The following ZNF569 variants were observed in gnomAD, a reference collection of about 807,000 sequenced individuals.
ZNF569 encodes zinc finger protein 569.
ZNF569 carries 38 observed loss-of-function variants against 56.3 expected under a neutral mutation model. The ratio of observed to expected loss-of-function variants is 0.68; its 90% CI spans 0.52 to 0.88. The LOEUF (loss-of-function observed/expected upper bound fraction) is 0.88. Among genes scored for constraint, ZNF569 ranks in the 40% least tolerant of loss-of-function variants. The pLI, the probability that ZNF569 is intolerant of heterozygous loss-of-function variation, is 0.00. For missense variants in ZNF569, 666 were observed against 809.2 expected, an observed-to-expected ratio of 0.82 and a Z score of 2.15; for synonymous variants, 241 against 262.9, an observed-to-expected ratio of 0.92 and a Z score of 0.81.
chr19:37,414,703 G>A (rs944168719), intron 5 of ZNF569, among the ~76,000 whole-genome samples: 5 of 152,088 alleles, frequency 3.3e-5, no homozygotes, highest in Non-Finnish European at 7.4e-5. Flanking sequence ...AATAGGAAAT[G>A]CAGAATGTAC....
intron 3 of ZNF569, among the ~76,000 whole-genome samples, chr19:37,444,350 A>C (rs1190687019): frequency 6.6e-6 from 1 of 152,046 alleles, no homozygotes; most frequent in Non-Finnish European, 1.5e-5. Flanking sequence ...TGTGTAATCT[A>C]TCCATGTTGG....
chr19:37,414,027 C>A lies in ZNF569; in HGVS notation c.631G>T (p.Glu211Ter), dbSNP rs2040886480. Reference protein sequence around the residue: ...LIRHLRIHTGEKPYECSNCRK... With the variant: ...LIRHLRIHTG ...CAGTTACTACATTCATAGGGCTTCTCTCCAGTATGAATTCTCAGATGTCTG... is the reference window on the plus strand; with the variant it reads ...CAGTTACTACATTCATAGGGCTTCTATCCAGTATGAATTCTCAGATGTCTG... Residue 211 changes from glutamate (E) to a stop codon, truncating the protein, a stop_gained, in exon 6 of 6, where the codon GAG (glutamate) becomes TAG (stop). Coordinates refer to ENST00000316950, the MANE Select transcript of ZNF569 (RefSeq NM_152484.3). LOFTEE classifies it high-confidence loss of function. 6.2e-7 allele frequency: 1 copy of A among 1,613,434 alleles called. No homozygotes were observed. The highest frequency in any genetic ancestry group is 1.3e-5 in the African/African-American group (1 of 74,894).
intron 5 of ZNF569, among the ~76,000 whole-genome samples, chr19:37,425,186 C>T (rs1360428829): frequency 6.6e-6 from 1 of 151,780 alleles, no homozygotes; most frequent in East Asian, 1.9e-4. Flanking sequence ...GGGTCTCACT[C>T]CGTTGCCTAG....
Position 37,412,330 on chromosome 19 carries a change from C to CTGA in ZNF569, c.*264_*266dup. ...GGAGCTCAAGTGTTGTGTTGTTATGCTGATGGAAGATACCTTGTTTCAGAT... is the reference window on the plus strand; with the variant it reads ...GGAGCTCAAGTGTTGTGTTGTTATGCTGATGATGGAAGATACCTTGTTTCAGAT... On this transcript the variant is annotated 3_prime_UTR_variant, in exon 6 of 6. Transcript: ENST00000316950. 1 of 389,008 alleles carries CTGA rather than the reference C, an allele frequency of 2.6e-6. No individual in the cohort carries two copies. Among genetic ancestry groups the CTGA allele is most frequent in the South Asian group, 8.4e-5 (1 of 11,844 alleles). The allele number at this position is 389,008 out of a possible 1,614,324, so 24.1% of individuals were successfully genotyped here.
At chr19:37,426,210 CT>C in intron 4 of ZNF569, 41 bp downstream of exon 4, 2 of 1,565,132 alleles carry the variant, frequency 1.3e-6, no homozygotes, top group Non-Finnish European at 1.7e-6. Context: ...AAAAAAGGTA[CT>C]TTCTTTCCAG....
chr19:37,457,239 T>A (rs1435411135), intron 2 of ZNF569, among the ~76,000 whole-genome samples: 2 of 152,206 alleles, frequency 1.3e-5, no homozygotes, highest in African/African-American at 4.8e-5. Flanking sequence ...ATTATCTCTA[T>A]ACTTCCCTAG....
intron 2 of ZNF569, among the ~76,000 whole-genome samples, chr19:37,451,045 T>G (rs1201485808): frequency 6.6e-6 from 1 of 152,182 alleles, no homozygotes; most frequent in Non-Finnish European, 1.5e-5. Context: ...ATATGATGCA[T>G]TATGGAGAAA....
chr19:37,427,758 A>C (rs768486372), intron 3 of ZNF569: 2 of 510,512 alleles, frequency 3.9e-6, no homozygotes, highest in Admixed American at 2.0e-5. Flanking sequence ...GAGGAAAAAA[A>C]CCCTGAAATC....
chr19:37,469,193 T>A (rs1020117200), upstream of ZNF569: 3 of 1,248,548 alleles, frequency 2.4e-6, no homozygotes, highest in East Asian at 3.9e-5. Context: ...GAGGACCTGG[T>A]GGGGAGGAGG....
intron 3 of ZNF569, 56 bp downstream of exon 3, chr19:37,444,851 C>T: frequency 7.4e-7 from 1 of 1,345,574 alleles, no homozygotes; most frequent in Non-Finnish European, 1.1e-6. Context: ...TACTGCAATC[C>T]CCTTAAATTG....
Position 37,413,496 on chromosome 19 carries a change from C to T in ZNF569, c.1162G>A (p.Gly388Arg). The T allele has an allele frequency of 6.2e-7, 1 of 1,613,578 alleles. No individual in the cohort carries two copies. Among genetic ancestry groups the T allele is most frequent in the Non-Finnish European group, 8.5e-7 (1 of 1,179,822 alleles). The change falls in exon 6 of 6, where the codon GGA (glycine) becomes AGA (arginine). Residue 388 changes from glycine to arginine, a missense_variant. Coordinates refer to ENST00000316950, the MANE Select transcript of ZNF569 (RefSeq NM_152484.3). ...GCTGAGCTTTGAGAGAAGGCTTTTC[C>T]ACACTCATTACATTCATAGGGTTTT... is the stretch of plus-strand genomic sequence containing the variant. ...GEKPYECNEC[G>R]KAFSQSSALT... is the part of the protein sequence containing the mutation.
At chr19:37,431,029 T>C (rs2041217338) in intron 3 of ZNF569, among the ~76,000 whole-genome samples, 1 of 152,166 alleles carries the variant, frequency 6.6e-6, no homozygotes, top group African/African-American at 2.4e-5. Context: ...AATTGTCCAT[T>C]GTAGCAGTAG....
At chr19:37,456,976 A>G (rs918443746) in intron 2 of ZNF569, among the ~76,000 whole-genome samples, 2 of 142,988 alleles carry the variant, frequency 1.4e-5, no homozygotes, top group Non-Finnish European at 1.5e-5. Flanking sequence ...TCAAAAAAAA[A>G]AAAACAAAAA....
intron 5 of ZNF569, among the ~76,000 whole-genome samples, chr19:37,418,134 TAA>T (rs1185058539): frequency 5.1e-5 from 7 of 137,682 alleles, no homozygotes; most frequent in East Asian, 2.0e-4. Context: ...ATAATAATAA[TAA>T]AATAAAGTTC....
At chr19:37,415,568 T>C (rs554524092) in intron 5 of ZNF569, among the ~76,000 whole-genome samples, 16 of 151,972 alleles carry the variant, frequency 1.1e-4, no homozygotes, top group African/African-American at 3.6e-4. Flanking sequence ...GAGAAATAAA[T>C]CAGAGGTATG....
chr19:37,443,444 A>G (rs2041441639), intron 3 of ZNF569, among the ~76,000 whole-genome samples: 1 of 152,230 alleles, frequency 6.6e-6, no homozygotes, highest in Non-Finnish European at 1.5e-5. Flanking sequence ...TCAGTATCTG[A>G]GAGTGTAGGA....
At chr19:37,464,105 G>A (rs1044291765) in intron 2 of ZNF569, among the ~76,000 whole-genome samples, 1 of 152,106 alleles carries the variant, frequency 6.6e-6, no homozygotes, top group African/African-American at 2.4e-5. Context: ...CAACAGTAGA[G>A]TACACTAACG....
At position 37,411,326 on chromosome 19, in the gene ZNF569, T is replaced by A. The variant is rs2040837731; in HGVS notation, c.*1271A>T. The A allele has an allele frequency of 1.3e-5, 2 of 152,220 alleles. No homozygotes were observed. Among genetic ancestry groups the A allele is most frequent in the South Asian group, 4.1e-4 (2 of 4,832 alleles). The allele number at this position is 152,220 out of a possible 1,614,324, so 9.4% of individuals were successfully genotyped here. On this transcript the variant is annotated 3_prime_UTR_variant, in exon 6 of 6. Transcript: ENST00000316950. ...TTATACAAATGTTATACTGTGTTCCTTTGTGCATTTTAATTTTTTCTCTCA... is the reference window on the plus strand; with the variant it reads ...TTATACAAATGTTATACTGTGTTCCATTGTGCATTTTAATTTTTTCTCTCA...
intron 2 of ZNF569, among the ~76,000 whole-genome samples, chr19:37,448,446 ATT>A (rs1375912103): frequency 6.7e-6 from 1 of 150,214 alleles, no homozygotes; most frequent in Non-Finnish European, 1.5e-5. Flanking sequence ...ATTATCAGCA[ATT>A]TGTTTCTTTT....
Sources: allele counts gnomAD v4.1 joint callset (sites outside exome capture counted in the v4.1 genomes callset), GRCh38; gene constraint gnomAD v4.1.1; transcripts MANE v1.5; gene names NCBI Gene and HGNC (gene_info 2026-07-23, HGNC 2026-07-21).